RAB37: variants seen among roughly 807,000 people sequenced by gnomAD.
RAB37 encodes the protein RAB37, member RAS oncogene family, also known as ras-related protein Rab-37.
Under a neutral mutation model 33.1 loss-of-function variants are expected in RAB37, and 29 were observed. The ratio of observed to expected loss-of-function variants is 0.88; its 90% CI spans 0.65 to 1.20. The LOEUF is 1.20. Among genes scored for constraint, RAB37 ranks in the 50% most tolerant of loss-of-function variants. RAB37 has a pLI of 0.00. For missense variants in RAB37, 299 were observed against 301.1 expected, an observed-to-expected ratio of 0.99 and a Z score of 0.05; for synonymous variants, 128 against 119.5, an observed-to-expected ratio of 1.07 and a Z score of -0.47.
At chr17:74,735,000 A>AG (rs1567812370), upstream of RAB37, among the ~76,000 whole-genome samples, 16 of 103,998 alleles carry the variant, frequency 1.5e-4, no homozygotes, top group Admixed American at 5.9e-4. Flanking sequence ...AGGAAGAAAG[A>AG]AAAAGAAAGG....
Position 74,737,349 on chromosome 17 carries a change from A to T in RAB37, c.77A>T (p.Tyr26Phe). The T allele has an allele frequency of 6.3e-7, 1 of 1,575,640 alleles. No individual in the cohort carries two copies. The highest frequency in any genetic ancestry group is 8.6e-7 in the Non-Finnish European group (1 of 1,168,238). Reference protein sequence around the residue: ...PERSPPCSPSYDLTGKVMLLG... With the variant: ...PERSPPCSPSFDLTGKVMLLG... The stretch of plus-strand genomic sequence containing the variant: ...CGCTCCCCGCCCTGCAGTCCGAGCT[A>T]CGACCTCACGGGCAAGGTGGGTGGG... Residue 26 changes from tyrosine to phenylalanine, a missense_variant, in exon 1 of 9, where the codon TAC (tyrosine) becomes TTC (phenylalanine). By Grantham distance (22) the Tyr-to-Phe change is conservative. Transcript: ENST00000392613.
At chr17:74,690,011 G>T (rs1011791053) in intron 1 of RAB37, among the ~76,000 whole-genome samples, 6 of 152,126 alleles carry the variant, frequency 3.9e-5, no homozygotes, top group Non-Finnish European at 7.3e-5. Flanking sequence ...GTGTGCAGTG[G>T]TACCATCTCG....
chr17:74,713,071 C>T (rs71380839), intron 1 of RAB37: 98,061 of 548,148 alleles, frequency 0.18, 9,894 homozygotes, highest in East Asian at 0.31. Flanking sequence ...CTTTGGGAGG[C>T]CAAGGCGGGC....
In RAB37 at chr17:74,747,294, A is replaced by T. The variant is rs1301743811; in HGVS notation, c.*1883A>T. The T allele has an allele frequency of 6.8e-6, 1 of 147,170 alleles. No homozygotes were observed. Among genetic ancestry groups the T allele is most frequent in the East Asian group, 2.2e-4 (1 of 4,630 alleles). 9.1% of individuals were successfully genotyped at this position (147,170 alleles called of 1,614,324 possible). On this transcript the variant is annotated 3_prime_UTR_variant, in exon 9 of 9. Coordinates refer to ENST00000392613, the MANE Select transcript of RAB37 (RefSeq NM_001006638.3). ...CCATAGACAGCTCTGGGCCTCTTGC[A>T]TTTGAGTTTTTCAGAATTAAACTGC... is the stretch of plus-strand genomic sequence containing the variant.
intron 1 of RAB37, among the ~76,000 whole-genome samples, chr17:74,719,711 C>T (rs918236070): frequency 4.6e-5 from 7 of 152,020 alleles, no homozygotes; most frequent in Non-Finnish European, 1.0e-4. Context: ...AGAATAGGGT[C>T]TTCCTATGTT....
At position 74,746,656 on chromosome 17, in the gene RAB37, T is replaced by C. The variant is rs556053341; in HGVS notation, c.*1245T>C. 6.6e-6 allele frequency: 1 copy of C among 152,116 alleles called. No homozygotes were observed. The highest frequency in any genetic ancestry group is 2.1e-4 in the South Asian group (1 of 4,828). The allele number at this position is 152,116 out of a possible 1,614,324, so 9.4% of individuals were successfully genotyped here. On this transcript the variant is annotated 3_prime_UTR_variant, in exon 9 of 9. Coordinates refer to ENST00000392613, the MANE Select transcript of RAB37 (RefSeq NM_001006638.3). This position sits in a 1 kb window ranked among gnomAD's most constrained non-coding sequence, Gnocchi z 5.2. The stretch of plus-strand genomic sequence containing the variant: ...ATCCCTTTCCTAGGTTTGGAATGTG[T>C]TGTGAAAAAAAAGAGAAATCCCTGG...
chr17:74,722,186 G>A (rs1196936619), intron 1 of RAB37, among the ~76,000 whole-genome samples: 1 of 152,000 alleles, frequency 6.6e-6, no homozygotes, highest in Non-Finnish European at 1.5e-5. Flanking sequence ...GGGAGGCTGA[G>A]GCAGGAGAAT....
chr17:74,690,118 A>AT (rs954608138), intron 1 of RAB37, among the ~76,000 whole-genome samples: 1 of 151,930 alleles, frequency 6.6e-6, no homozygotes, highest in Non-Finnish European at 1.5e-5. Flanking sequence ...CACCCAGCTG[A>AT]TTTTTTATTT....
chr17:74,743,063 G>T lies in RAB37; in HGVS notation c.247-66G>T. 4 of 1,446,842 alleles carry T rather than the reference G, an allele frequency of 2.8e-6. No individual in the cohort carries two copies. In the South Asian group the frequency reaches 4.7e-5, roughly 17 times the overall value. The allele number at this position is 1,446,842 out of a possible 1,614,324, so 89.6% of individuals were successfully genotyped here. A position where few individuals can be genotyped will look rare whatever the true frequency, so the allele number is the denominator to read the frequency against. ...ATATCTCATACAACAAAGCAGGCCT[G>T]CTCCACCCAGCACATTCCTTGCACC... On this transcript the variant is annotated intron_variant, in intron 3 of 8. Coordinates refer to ENST00000392613, the MANE Select transcript of RAB37 (RefSeq NM_001006638.3).
intron 1 of RAB37, chr17:74,695,314 G>A (rs144892856): frequency 0.012 from 19,662 of 1,589,348 alleles, 154 homozygotes; most frequent in Non-Finnish European, 0.016. Context: ...CGGGGCAGAG[G>A]AGCCCTCGGA....
Position 74,675,240 on chromosome 17 carries a change from T to A in RAB37, c.72+3582T>A, listed in dbSNP as rs530554049. 6.6e-5 allele frequency among the ~76,000 whole-genome samples: 10 copies of A among 151,966 alleles called. No individual in the cohort carries two copies. In the South Asian group the frequency reaches 1.9e-3, roughly 28 times the overall value. On this transcript the variant is annotated intron_variant, in intron 1 of 7. Transcript: ENST00000340415. ...TCATGAGGTCAGGAGATCGAGACCA[T>A]CCTGGCCAACATGGTGAAACCCCAT...
chr17:74,729,336 C>T lies in RAB37; in HGVS notation c.153C>T (p.Ser51=). ...ATCAGGGCAAGTTCATCCCCGGCTC[C>T]TTCTCGGCCACTGTGGGCATCGGAT... The change falls in exon 2 of 8, where the codon TCC becomes TCT. Residue 51 remains serine (S), a synonymous_variant. Coordinates refer to the RAB37 transcript ENST00000340415. This position sits in a 1 kb window ranked among gnomAD's most constrained non-coding sequence, Gnocchi z 4.2. 1 of 1,614,094 alleles carries T rather than the reference C, an allele frequency of 6.2e-7. No homozygotes were observed. The highest frequency in any genetic ancestry group is 8.5e-7 in the Non-Finnish European group (1 of 1,179,982).
chr17:74,698,517 C>T, intron 1 of RAB37: 1 of 1,583,546 alleles, frequency 6.3e-7, no homozygotes, highest in Non-Finnish European at 8.6e-7. Flanking sequence ...GCATCCCAGG[C>T]TCACCACCTG....
At chr17:74,713,899 C>CAAA (rs55993385) in intron 1 of RAB37, among the ~76,000 whole-genome samples, 4 of 51,160 alleles carry the variant, frequency 7.8e-5, no homozygotes, top group Admixed American at 6.3e-4. Flanking sequence ...TTCATCTCCA[C>CAAA]AAAAAAAAAA....
chr17:74,706,549 T>A (rs1156521777), intron 1 of RAB37, among the ~76,000 whole-genome samples: 2 of 152,012 alleles, frequency 1.3e-5, no homozygotes, highest in East Asian at 1.9e-4. Context: ...ATGCCTGTAA[T>A]CCCAGCTACT....
At chr17:74,674,446 G>A (rs1048546556) in intron 1 of RAB37, among the ~76,000 whole-genome samples, 3 of 151,538 alleles carry the variant, frequency 2.0e-5, no homozygotes, top group Admixed American at 1.3e-4. Flanking sequence ...GGGAAGCTGA[G>A]GCGGGCAGAT....
chr17:74,692,754 C>T (rs1292442049), intron 1 of RAB37, among the ~76,000 whole-genome samples: 1 of 152,180 alleles, frequency 6.6e-6, no homozygotes, highest in African/African-American at 2.4e-5. Flanking sequence ...AAAAAGGAGT[C>T]TGTCCACGTC....
At chr17:74,740,037 T>A (rs1004418097) in intron 1 of RAB37, among the ~76,000 whole-genome samples, 3 of 151,746 alleles carry the variant, frequency 2.0e-5, no homozygotes, top group Non-Finnish European at 2.9e-5. Context: ...ATGCCTATAA[T>A]CCCAGCTACT....
At chr17:74,693,774 T>C (rs958387920) in intron 1 of RAB37, among the ~76,000 whole-genome samples, 2 of 151,654 alleles carry the variant, frequency 1.3e-5, no homozygotes, top group Non-Finnish European at 1.5e-5. Flanking sequence ...ACTAAAAACA[T>C]GAAAATTAGC....
Sources: gnomAD v4.1 joint callset for allele counts (sites outside exome capture counted in the v4.1 genomes callset) on GRCh38, gnomAD v4.1.1 for gene constraint, Gnocchi (gnomAD v3.1) non-coding constraint, MANE v1.5 for transcripts, NCBI Gene and HGNC (gene_info 2026-07-23, HGNC 2026-07-21) for gene names.